Variants in CTTNBP2 observed in about 807,000 individuals in gnomAD.
CTTNBP2 encodes the protein cortactin binding protein 2.
CTTNBP2 carries 108 observed loss-of-function variants against 156.9 expected under a neutral mutation model. The observed-to-expected ratio is 0.69, with a 90% CI of 0.59 to 0.81. CTTNBP2 has a LOEUF of 0.81. Ranked by LOEUF, CTTNBP2 falls within the 30% of genes least tolerant of loss-of-function variation. The probability of loss-of-function intolerance (pLI) is 0.00; values close to 1 mark genes in which losing one functional copy is unlikely to be tolerated. For missense variants in CTTNBP2, 1,924 were observed against 2,035.4 expected (o/e 0.95, Z 1.05); for synonymous variants, 767 against 751.8 (o/e 1.02, Z -0.33).
chr7:117,795,020 G>A (rs536269408), intron 3 of CTTNBP2, among the ~76,000 whole-genome samples: 110 of 149,740 alleles, frequency 7.3e-4, no homozygotes, highest in African/African-American at 2.2e-3. Flanking sequence ...TCAGCCTCCC[G>A]AGTAGCTGGT....
In CTTNBP2 at chr7:117,734,979, C is replaced by T; in HGVS notation, c.3810G>A (p.Leu1270=). The T allele has an allele frequency of 6.2e-7, 1 of 1,614,138 alleles. No homozygotes were observed. The highest frequency in any genetic ancestry group is 8.5e-7 in the Non-Finnish European group (1 of 1,179,964). The change falls in exon 16 of 23, where the codon CTG becomes CTA. Residue 1270 remains leucine, a synonymous_variant. Transcript: ENST00000160373. ...LVQQHFRWVQ[L]RWDGEPMQGL... ...CTTGCATGGGCTCGCCATCCCACCG[C>T]AGCTGCACCCAGCGGAAATGCTGCT...
At chr7:117,813,749 C>T (rs1262852287) in intron 2 of CTTNBP2, among the ~76,000 whole-genome samples, 4 of 152,134 alleles carry the variant, frequency 2.6e-5, no homozygotes, top group Admixed American at 6.5e-5. Flanking sequence ...TCTCTCTGAA[C>T]CCCTTTTCTC....
At chr7:117,846,094 G>A (rs1306373549) in intron 2 of CTTNBP2, among the ~76,000 whole-genome samples, 2 of 151,850 alleles carry the variant, frequency 1.3e-5, no homozygotes, top group Admixed American at 6.6e-5. Flanking sequence ...CTCGTGATCC[G>A]CCCGCCTCAG....
At chr7:117,771,533 C>T (rs971785801) in intron 8 of CTTNBP2, among the ~76,000 whole-genome samples, 36 of 152,258 alleles carry the variant, frequency 2.4e-4, no homozygotes, top group Middle Eastern at 3.4e-3. Context: ...GCATGCTTTT[C>T]CATAGGCATG....
At chr7:117,835,844 A>G (rs566005833) in intron 2 of CTTNBP2, among the ~76,000 whole-genome samples, 232 of 152,276 alleles carry the variant, frequency 1.5e-3, no homozygotes, top group Non-Finnish European at 2.7e-3. Context: ...TAAAGTTCCT[A>G]GCTCTGTGAT....
Position 117,754,219 on chromosome 7 carries a change from T to C in CTTNBP2, c.3348+2336A>G, listed in dbSNP as rs371244876. ...AGGCGACTCTCTTCATTTCATTTGT[T>C]TTTCAGTCCAAATGTCATTACAGTA... On this transcript the variant is annotated intron_variant, in intron 12 of 22. Coordinates refer to ENST00000160373, the MANE Select transcript of CTTNBP2 (RefSeq NM_033427.3). Among the ~76,000 whole-genome samples the C allele has an allele frequency of 2.2e-4, 34 of 152,322 alleles. No homozygotes were observed. The East Asian group carries it at 6.2e-3, about 28-fold the overall frequency.
chr7:117,841,110 T>A (rs1409755987), intron 2 of CTTNBP2, among the ~76,000 whole-genome samples: 1 of 152,226 alleles, frequency 6.6e-6, no homozygotes. Context: ...AAGCACTATA[T>A]TTTCCAAACC....
chr7:117,734,786 C>G, intron 16 of CTTNBP2, 127 bp downstream of exon 16: 1 of 618,430 alleles, frequency 1.6e-6, no homozygotes, highest in Non-Finnish European at 2.6e-6. Flanking sequence ...TTTTTTGGCC[C>G]TTGAATGTCA....
intron 8 of CTTNBP2, among the ~76,000 whole-genome samples, chr7:117,773,722 A>C (rs1797937348): frequency 6.7e-6 from 1 of 149,116 alleles, no homozygotes; most frequent in African/African-American, 2.5e-5. Flanking sequence ...AAAAAACAAA[A>C]AGCAGAAAAA....
intron 3 of CTTNBP2, among the ~76,000 whole-genome samples, chr7:117,808,185 T>C (rs1051370007): frequency 6.6e-6 from 1 of 152,196 alleles, no homozygotes; most frequent in Non-Finnish European, 1.5e-5. Flanking sequence ...CCAGAATTTA[T>C]ACTTCCTGAA....
intron 2 of CTTNBP2, among the ~76,000 whole-genome samples, chr7:117,831,650 C>G (rs754219656): frequency 1.5e-4 from 22 of 150,324 alleles, no homozygotes; most frequent in Non-Finnish European, 3.0e-4. Context: ...TCCCAGGAGC[C>G]AAGACTTGAC....
chr7:117,838,937 G>T, intron 2 of CTTNBP2, among the ~76,000 whole-genome samples: 1 of 113,498 alleles, frequency 8.8e-6, no homozygotes, highest in Non-Finnish European at 1.6e-5. Context: ...CCACATTTTT[G>T]TTGAATAATG....
chr7:117,853,874 AT>A (rs1803089874), intron 2 of CTTNBP2, among the ~76,000 whole-genome samples: 1 of 152,138 alleles, frequency 6.6e-6, no homozygotes, highest in South Asian at 2.1e-4. Flanking sequence ...GATCATAAAC[AT>A]TTTGCTTTCA....
intron 22 of CTTNBP2, 142 bp from the exon 23 acceptor site, chr7:117,711,924 G>A (rs766462515): frequency 2.6e-6 from 2 of 756,512 alleles, no homozygotes; most frequent in Non-Finnish European, 4.1e-6. Flanking sequence ...AAAATGGAGA[G>A]GAGAAGCTGA....
At chr7:117,748,945 A>G (rs914336725) in intron 12 of CTTNBP2, among the ~76,000 whole-genome samples, 1 of 152,186 alleles carries the variant, frequency 6.6e-6, no homozygotes, top group African/African-American at 2.4e-5. Context: ...TGAGGATTGA[A>G]TGAAAAGGTG....
intron 2 of CTTNBP2, among the ~76,000 whole-genome samples, chr7:117,824,115 T>G (rs1801134808): frequency 6.6e-6 from 1 of 152,138 alleles, no homozygotes; most frequent in Non-Finnish European, 1.5e-5. Context: ...ATCTCCTGAA[T>G]TCAAGAGTAT....
chr7:117,734,937 G>C lies in CTTNBP2; in HGVS notation c.3852C>G (p.Phe1284Leu), dbSNP rs1049021862. ...CCTTATTCACAACTTTCCTTCGTAAGAACCTCTGCAGCAGTCCTTGCATGG... is the reference window on the plus strand; with the variant it reads ...CCTTATTCACAACTTTCCTTCGTAACAACCTCTGCAGCAGTCCTTGCATGG... ...GEPMQGLLQR[F>L]LRRKVVNKFK... The change falls in exon 16 of 23, where the codon TTC becomes TTG. Residue 1284 changes from phenylalanine to leucine, a missense_variant. Transcript: ENST00000160373. 1 of 1,600,216 alleles carries C rather than the reference G, an allele frequency of 6.2e-7. No individual in the cohort carries two copies. The highest frequency in any genetic ancestry group is 1.3e-5 in the African/African-American group (1 of 74,504).
At chr7:117,794,369 C>T (rs1799198891) in intron 3 of CTTNBP2, among the ~76,000 whole-genome samples, 1 of 152,102 alleles carries the variant, frequency 6.6e-6, no homozygotes, top group Non-Finnish European at 1.5e-5. Flanking sequence ...CCATAATGGG[C>T]CTTATGGTTC....
Position 117,857,670 on chromosome 7 carries a change from A to G in CTTNBP2, c.189+3539T>C, listed in dbSNP as rs913464395. Among the ~76,000 whole-genome samples, 7 of 152,298 alleles carry G rather than the reference A, an allele frequency of 4.6e-5. No homozygotes were observed. The South Asian group carries it at 6.2e-4, about 14-fold the overall frequency. On this transcript the variant is annotated intron_variant, in intron 2 of 22. Transcript: ENST00000160373. The stretch of plus-strand genomic sequence containing the variant: ...AAGTTCAAAACTATTTACTATTTTC[A>G]GAGGAATATTAATTTTGGCTGAAAA...
Sources: allele counts gnomAD v4.1 joint callset (sites outside exome capture counted in the v4.1 genomes callset), GRCh38; gene constraint gnomAD v4.1.1; transcripts MANE v1.5; gene names NCBI Gene and HGNC (gene_info 2026-07-23, HGNC 2026-07-21).